ZMAT4: variants seen among roughly 807,000 people sequenced by gnomAD.
The protein encoded by ZMAT4 is zinc finger matrin-type 4.
In ZMAT4, 17 loss-of-function variants were observed where a neutral mutation model predicts 28.7. The ratio of observed to expected loss-of-function variants is 0.59; its 90% CI spans 0.41 to 0.89. ZMAT4 has a LOEUF of 0.89. ZMAT4 is among the 40% of genes least tolerant of loss of function. The pLI, the probability that ZMAT4 is intolerant of heterozygous loss-of-function variation, is 0.00. For synonymous variants in ZMAT4, 117 were observed against 109.2 expected, an observed-to-expected ratio of 1.07 and a Z score of -0.44; for missense variants, 240 against 283.8, an observed-to-expected ratio of 0.85 and a Z score of 1.11.
chr8:40,752,742 A>G (rs1408315275), intron 3 of ZMAT4, among the ~76,000 whole-genome samples: 1 of 151,956 alleles, frequency 6.6e-6, no homozygotes, highest in Admixed American at 6.6e-5. Context: ...CATCAGCCAC[A>G]CTGATTCAGT....
chr8:40,868,606 G>A (rs981721117), intron 1 of ZMAT4, among the ~76,000 whole-genome samples: 3 of 152,144 alleles, frequency 2.0e-5, no homozygotes, highest in African/African-American at 7.2e-5. Flanking sequence ...GAAAATGAGT[G>A]GGTTGGAATT....
chr8:40,708,646 A>ATT (rs11446729), intron 3 of ZMAT4, among the ~76,000 whole-genome samples: 6,631 of 98,332 alleles, frequency 0.067, 434 homozygotes, highest in Non-Finnish European at 0.086. Context: ...AGCAATCTTG[A>ATT]TTTTTTTTTT....
At chr8:40,833,011 C>T (rs923695068) in intron 1 of ZMAT4, among the ~76,000 whole-genome samples, 5 of 152,132 alleles carry the variant, frequency 3.3e-5, no homozygotes, top group African/African-American at 1.2e-4. Context: ...TGCCACTGTC[C>T]TTCTGTGGAA....
intron 2 of ZMAT4, chr8:40,808,450 A>G (rs1815178628): frequency 7.3e-6 from 3 of 409,424 alleles, no homozygotes; most frequent in Admixed American, 3.0e-5. Flanking sequence ...CAGCTTGGCA[A>G]TAAATGTTAA....
intron 2 of ZMAT4, among the ~76,000 whole-genome samples, chr8:40,771,812 G>T (rs1355808457): frequency 3.3e-5 from 5 of 152,162 alleles, no homozygotes; most frequent in Non-Finnish European, 7.4e-5. Flanking sequence ...AAGGACTGGA[G>T]GAAAAGCTAC....
intron 6 of ZMAT4, among the ~76,000 whole-genome samples, chr8:40,575,086 A>T (rs1384580242): frequency 1.3e-5 from 2 of 152,168 alleles, no homozygotes; most frequent in Non-Finnish European, 2.9e-5. Flanking sequence ...TGGCTGCAAC[A>T]TGACCACCCT....
At chr8:40,792,252 T>G (rs934671548) in intron 2 of ZMAT4, among the ~76,000 whole-genome samples, 2 of 151,960 alleles carry the variant, frequency 1.3e-5, no homozygotes, top group African/African-American at 4.8e-5. Flanking sequence ...CAATTTCATA[T>G]GGTTCAACCT....
At chr8:40,716,206 C>G (rs377524832) in intron 3 of ZMAT4, among the ~76,000 whole-genome samples, 1 of 152,136 alleles carries the variant, frequency 6.6e-6, no homozygotes, top group African/African-American at 2.4e-5. Context: ...ATGTGGTACC[C>G]GGATTTGCAG....
intron 6 of ZMAT4, among the ~76,000 whole-genome samples, chr8:40,580,321 T>G (rs4737148): frequency 1.3e-5 from 2 of 152,020 alleles, no homozygotes; most frequent in Non-Finnish European, 2.9e-5. Context: ...CTATTCATCT[T>G]TTCTTCCCTA....
At chr8:40,627,005 T>G (rs767396791) in intron 5 of ZMAT4, among the ~76,000 whole-genome samples, 1 of 152,206 alleles carries the variant, frequency 6.6e-6, no homozygotes, top group Non-Finnish European at 1.5e-5. Flanking sequence ...TCCACGCCCT[T>G]TATGGGTCTC....
intron 3 of ZMAT4, among the ~76,000 whole-genome samples, chr8:40,729,980 A>T (rs879403259): frequency 2.6e-5 from 4 of 152,266 alleles, no homozygotes; most frequent in Non-Finnish European, 4.4e-5. Context: ...AATATATTTG[A>T]GTAACCATAA....
chr8:40,533,692 A>T (rs1802762882), intron 6 of ZMAT4, among the ~76,000 whole-genome samples: 1 of 152,250 alleles, frequency 6.6e-6, no homozygotes. Context: ...AGACTAAAAA[A>T]ATTGAGACTA....
At chr8:40,682,607 C>A (rs575198839) in intron 4 of ZMAT4, among the ~76,000 whole-genome samples, 1 of 152,088 alleles carries the variant, frequency 6.6e-6, no homozygotes, top group South Asian at 2.1e-4. Flanking sequence ...ATAATATATC[C>A]GATGTTTCAA....
Position 40,624,635 on chromosome 8 carries a change from A to G in ZMAT4, c.578-43374T>C, listed in dbSNP as rs190377368. Among the ~76,000 whole-genome samples, 4 of 152,368 alleles carry G rather than the reference A, an allele frequency of 2.6e-5. 1 individual carries two copies. The highest frequency in any genetic ancestry group is 2.6e-4 in the Admixed American group (4 of 15,306). Reference sequence around the variant, plus strand: ...TTTTGTTGGATGCTTAGTCATGACTATATTTCAAAGTGTTTCTAAATTCTT... The same window carrying G: ...TTTTGTTGGATGCTTAGTCATGACTGTATTTCAAAGTGTTTCTAAATTCTT... On this transcript the variant is annotated intron_variant, in intron 5 of 6. Transcript: ENST00000297737.
chr8:40,746,249 C>CTT (rs1812213816), intron 3 of ZMAT4, among the ~76,000 whole-genome samples: 1 of 123,450 alleles, frequency 8.1e-6, no homozygotes, highest in Admixed American at 8.5e-5. Context: ...CCCTCCCTCC[C>CTT]TCCCTCCCTC....
At chr8:40,641,226 T>G (rs1288211429) in intron 5 of ZMAT4, among the ~76,000 whole-genome samples, 1 of 152,202 alleles carries the variant, frequency 6.6e-6, no homozygotes, top group East Asian at 1.9e-4. Context: ...GTAGCAAAGG[T>G]GCTAACTGGG....
At chr8:40,681,923 G>A (rs539661545) in intron 4 of ZMAT4, among the ~76,000 whole-genome samples, 2 of 151,918 alleles carry the variant, frequency 1.3e-5, no homozygotes, top group South Asian at 4.2e-4. Flanking sequence ...TAGAGACCTG[G>A]GGACATGTTC....
chr8:40,726,252 T>C (rs1363700661), intron 3 of ZMAT4, among the ~76,000 whole-genome samples: 3 of 152,254 alleles, frequency 2.0e-5, no homozygotes, highest in Non-Finnish European at 4.4e-5. Context: ...AGATATTTTG[T>C]GTTAAAACAG....
intron 5 of ZMAT4, among the ~76,000 whole-genome samples, chr8:40,643,917 C>G (rs930250455): frequency 6.6e-6 from 1 of 151,830 alleles, no homozygotes; most frequent in Admixed American, 6.6e-5. Flanking sequence ...AGAGGTGAAG[C>G]TGGAGAGGAA....
Sources: allele counts gnomAD v4.1 joint callset (sites outside exome capture counted in the v4.1 genomes callset), GRCh38; gene constraint gnomAD v4.1.1; transcripts MANE v1.5; gene names NCBI Gene and HGNC (gene_info 2026-07-23, HGNC 2026-07-21).